The following BEGAIN variants were observed in gnomAD, a reference collection of about 807,000 sequenced individuals.
The protein encoded by BEGAIN is brain-enriched guanylate kinase-associated protein.
A neutral mutation model predicts 35.8 loss-of-function variants in BEGAIN; 19 were observed. The ratio of observed to expected loss-of-function variants is 0.53; its 90% CI spans 0.37 to 0.78. The LOEUF (loss-of-function observed/expected upper bound fraction) is 0.78. BEGAIN is among the 30% of genes least tolerant of loss of function. The pLI is 0.00. For missense variants in BEGAIN, 795 were observed against 853.6 expected (o/e 0.93, Z 0.85); for synonymous variants, 462 against 388.6 (o/e 1.19, Z -2.22).
Position 100,573,848 on chromosome 14 carries a change from C to T in BEGAIN, c.43-5909G>A, listed in dbSNP as rs560572985. Among the ~76,000 whole-genome samples, 7 of 146,414 alleles carry T rather than the reference C, an allele frequency of 4.8e-5. No individual in the cohort carries two copies. The highest frequency in any genetic ancestry group is 2.3e-4 in the South Asian group (1 of 4,286). ...ACTGGGGAGGCCGCCAGGGCAGCCA[C>T]GGTGGGAGGCGACAGGGGCTGGGAC... On this transcript the variant is annotated intron_variant, in intron 1 of 6. Transcript: ENST00000554140. This position sits in a 1 kb window ranked among gnomAD's most constrained non-coding sequence, Gnocchi z 4.2.
rs2035134467 is a variant in BEGAIN at position 100,573,470 on chromosome 14, G to A, written c.43-5531C>T. 6.6e-6 allele frequency among the ~76,000 whole-genome samples: 1 copy of A among 152,100 alleles called. No homozygotes were observed. The highest frequency in any genetic ancestry group is 1.5e-5 in the Non-Finnish European group (1 of 67,994). On this transcript the variant is annotated intron_variant, in intron 1 of 6. Transcript: ENST00000554140. This position sits in a 1 kb window ranked among gnomAD's most constrained non-coding sequence, Gnocchi z 4.2. The stretch of plus-strand genomic sequence containing the variant: ...CTTGGCTTCTGCCATGAGGTGGATG[G>A]GAGCCCCTGGAGGGATGAATGGGGG...
chr14:100,545,840 T>C (rs950467820), intron 3 of BEGAIN, among the ~76,000 whole-genome samples: 1 of 152,032 alleles, frequency 6.6e-6, no homozygotes, highest in African/African-American at 2.4e-5. Context: ...CTATGGCAAG[T>C]CCTCCCTAGG....
At position 100,538,519 on chromosome 14, in the gene BEGAIN, C is replaced by G; in HGVS notation, c.1289G>C (p.Gly430Ala). 1 of 1,519,834 alleles carries G rather than the reference C, an allele frequency of 6.6e-7. No homozygotes were observed. Among genetic ancestry groups the G allele is most frequent in the Non-Finnish European group, 8.8e-7 (1 of 1,137,254 alleles). The allele number at this position is 1,519,834 out of a possible 1,614,324, so 94.1% of individuals were successfully genotyped here. Residue 430 changes from glycine to alanine, a missense_variant, in exon 7 of 7, where the codon GGG (glycine) becomes GCG (alanine). Physicochemically the swap from Gly to Ala is moderately conservative, Grantham distance 60 (BLOSUM62 0). This residue lies in a region of BEGAIN where 664 missense variants were observed against 647.7 expected (regional missense o/e 1.03). Transcript: ENST00000554140. ...ACGCCACTGGCCCCTCATGTCCTCC[C>G]CGGGGAGCCGGGCGGTCCCCGGCTT... is the stretch of plus-strand genomic sequence containing the variant. ...RAKPGTARLPGEDMRGQWRPL... is the reference protein window; with the variant it reads ...RAKPGTARLPAEDMRGQWRPL...
chr14:100,540,411 T>C (rs995763282), intron 6 of BEGAIN, 85 bp downstream of exon 6: 1 of 1,040,678 alleles, frequency 9.6e-7, no homozygotes, highest in African/African-American at 1.6e-5. Flanking sequence ...TCCTCAAAGA[T>C]GGGAAATGGC....
intron 2 of BEGAIN, chr14:100,548,159 C>T (rs1312147822): frequency 6.6e-6 from 1 of 152,154 alleles, no homozygotes; most frequent in Admixed American, 6.5e-5. Flanking sequence ...GGCAAAGTGC[C>T]ACAGCTGCCC....
In BEGAIN at chr14:100,577,136, T is replaced by G. The variant is rs2035219567; in HGVS notation, c.43-9197A>C. On this transcript the variant is annotated intron_variant, in intron 1 of 6. Coordinates refer to ENST00000554140, the MANE Select transcript of BEGAIN (RefSeq NM_001385089.1). ...ATATGCCTTCCGTACAGAAATAGTC[T>G]GCCTGCCCCAAAGCCAGAAATTTCA... Among the ~76,000 whole-genome samples the G allele has an allele frequency of 2.0e-5, 3 of 152,244 alleles. No homozygotes were observed. The South Asian group carries it at 6.2e-4, about 32-fold the overall frequency.
chr14:100,550,881 T>C (rs2033124513), intron 2 of BEGAIN, among the ~76,000 whole-genome samples: 1 of 152,176 alleles, frequency 6.6e-6, no homozygotes, highest in South Asian at 2.1e-4. Flanking sequence ...AAGTCAGTTG[T>C]TCCCTGCAGA....
chr14:100,544,566 T>C (rs1229785007), intron 4 of BEGAIN, among the ~76,000 whole-genome samples: 1 of 152,132 alleles, frequency 6.6e-6, no homozygotes, highest in Non-Finnish European at 1.5e-5. Context: ...GCGACCCCAC[T>C]GAGGTCACCT....
Position 100,538,159 on chromosome 14 carries a change from G to A in BEGAIN, c.1649C>T (p.Thr550Ile), listed in dbSNP as rs766365677. 16 of 1,533,854 alleles carry A rather than the reference G, an allele frequency of 1.0e-5. No individual in the cohort carries two copies. Among genetic ancestry groups the A allele is most frequent in the African/African-American group, 1.4e-5 (1 of 72,454 alleles). Residue 550 changes from threonine (T) to isoleucine (I), a missense_variant, in exon 7 of 7, where the codon ACC (threonine) becomes ATC (isoleucine). Thr to Ile is a moderately conservative substitution (Grantham distance 89). Transcript: ENST00000554140. ...GDRLGVQLCG[T>I]ASSPEPEQGS... ...CTGCTCGGGCTCAGGGCTGCTGGCGGTCCCACACAGCTGCACCCCGAGCCT... is the reference window on the plus strand; with the variant it reads ...CTGCTCGGGCTCAGGGCTGCTGGCGATCCCACACAGCTGCACCCCGAGCCT...
Position 100,568,645 on chromosome 14 carries a change from C to G in BEGAIN, c.43-706G>C. On this transcript the variant is annotated intron_variant, in intron 1 of 6. Transcript: ENST00000554140. The surrounding 1 kb of genome is among the most constrained non-coding windows in gnomAD (Gnocchi z 7.5). ...GCTTGGAGACCCTCCCTGCCCAGCC[C>G]CGCTCAGCCGGGCAGCCCCTCCGCG... is the stretch of plus-strand genomic sequence containing the variant. The G allele has an allele frequency of 9.1e-6, 5 of 551,890 alleles. No individual in the cohort carries two copies. Among genetic ancestry groups the G allele is most frequent in the Non-Finnish European group, 1.2e-5 (5 of 434,166 alleles). The allele number at this position is 551,890 out of a possible 1,614,324, so 34.2% of individuals were successfully genotyped here.
intron 1 of BEGAIN, among the ~76,000 whole-genome samples, chr14:100,583,692 C>CTTTTTTTTTTTTTTTTTTT (rs56090356): frequency 1.6e-4 from 17 of 108,992 alleles, no homozygotes; most frequent in Non-Finnish European, 2.0e-4. Flanking sequence ...GTTTTTCTTC[C>CTTTTTTTTTTTTTTTTTTT]TTTTTTTTTT....
At chr14:100,580,117 C>G (rs765633546) in intron 1 of BEGAIN, among the ~76,000 whole-genome samples, 1 of 152,136 alleles carries the variant, frequency 6.6e-6, no homozygotes, top group Non-Finnish European at 1.5e-5. Flanking sequence ...CTAGCCTAAC[C>G]AACATGGTGA....
rs2030689571 is a variant in BEGAIN, at chr14:100,537,282, C to T, written c.*687G>A. On this transcript the variant is annotated 3_prime_UTR_variant, in exon 7 of 7. Transcript: ENST00000554140. ...TCCTCATGTCTGAGGTAGAGTAAGA[C>T]GGTGTCAGGGGGCGGACCCGGGGGC... 1.3e-5 allele frequency: 2 copies of T among 152,700 alleles called. No individual in the cohort carries two copies. The highest frequency in any genetic ancestry group is 6.5e-5 in the Admixed American group (1 of 15,284). 9.5% of individuals were successfully genotyped at this position (152,700 alleles called of 1,614,324 possible).
intron 1 of BEGAIN, among the ~76,000 whole-genome samples, chr14:100,576,314 G>A (rs2035200815): frequency 6.6e-6 from 1 of 152,164 alleles, no homozygotes; most frequent in Non-Finnish European, 1.5e-5. Context: ...AGAGGTGGAG[G>A]GCAAAGTGCC....
rs570777805 is a variant in BEGAIN at position 100,559,194 on chromosome 14, AGCTGCGCGGTGGGCCCAGGAG to A, written c.71+8696_71+8716del. Among the ~76,000 whole-genome samples the A allele has an allele frequency of 4.6e-5, 7 of 151,968 alleles. No individual in the cohort carries two copies. The South Asian group carries it at 1.5e-3, about 32-fold the overall frequency. Reference sequence around the variant, plus strand: ...GGGGCTGTCTCCGAGAGCCAAGGGGAGCTGCGCGGTGGGCCCAGGAGGCTCCTGGGCACCCCTGCCTGGGCT... The same window carrying A: ...GGGGCTGTCTCCGAGAGCCAAGGGGAGCTCCTGGGCACCCCTGCCTGGGCT... On this transcript the variant is annotated intron_variant, in intron 2 of 6. Coordinates refer to ENST00000554140, the MANE Select transcript of BEGAIN (RefSeq NM_001385089.1).
At chr14:100,585,002 A>C (rs776589703) in intron 1 of BEGAIN, among the ~76,000 whole-genome samples, 19 of 151,988 alleles carry the variant, frequency 1.3e-4, no homozygotes, top group Admixed American at 3.3e-4. Flanking sequence ...CAGCCTCTCT[A>C]AGTCTTGAGA....
chr14:100,548,820 A>C (rs1021054665), intron 2 of BEGAIN: 3 of 152,090 alleles, frequency 2.0e-5, no homozygotes, highest in Non-Finnish European at 4.4e-5. Context: ...GACATCTCAC[A>C]AGTCAGGCAG....
chr14:100,585,087 T>A (rs2035405237), intron 1 of BEGAIN, among the ~76,000 whole-genome samples: 1 of 152,090 alleles, frequency 6.6e-6, no homozygotes, highest in African/African-American at 2.4e-5. Flanking sequence ...GACCCCTTCA[T>A]CTGTTCAGCA....
At chr14:100,570,086 C>G (rs964349556) in intron 1 of BEGAIN, among the ~76,000 whole-genome samples, 21 of 152,200 alleles carry the variant, frequency 1.4e-4, no homozygotes, top group African/African-American at 5.1e-4. Context: ...TGCTCAGGAG[C>G]CTTTCCCACC....
Sources: gnomAD v4.1 joint callset for allele counts (sites outside exome capture counted in the v4.1 genomes callset) on GRCh38, gnomAD v4.1.1 for gene constraint, gnomAD v4.1.1 regional missense constraint, Gnocchi (gnomAD v3.1) non-coding constraint, MANE v1.5 for transcripts, NCBI Gene and HGNC (gene_info 2026-07-23, HGNC 2026-07-21) for gene names.